CCDC92B: variants seen among roughly 807,000 people sequenced by gnomAD.
CCDC92B encodes coiled-coil domain containing 92B, also known as coiled-coil domain-containing 92B.
In CCDC92B, 2 loss-of-function variants were observed where a neutral mutation model predicts 5.6. The ratio of observed to expected loss-of-function variants is 0.36; its 90% CI spans 0.15 to 1.12. The LOEUF is 1.12. Among genes scored for constraint, CCDC92B ranks in the 50% most tolerant of loss-of-function variants. The pLI is 0.40. For synonymous variants in CCDC92B, 115 were observed against 122.3 expected (o/e 0.94, Z 0.39); for missense variants, 271 against 262.2 (o/e 1.03, Z -0.23).
chr17:2,736,880 C>CAAAA (rs968572416), intron 1 of CCDC92B, among the ~76,000 whole-genome samples: 8 of 98,804 alleles, frequency 8.1e-5, no homozygotes, highest in African/African-American at 4.0e-4. Context: ...GACTCTGTCT[C>CAAAA]AAAAAATAAA....
At chr17:2,745,575 G>A (rs1393807452) in intron 1 of CCDC92B, among the ~76,000 whole-genome samples, 1 of 152,162 alleles carries the variant, frequency 6.6e-6, no homozygotes, top group East Asian at 1.9e-4. Context: ...TTGTTTGGGG[G>A]AGGGTGGGAG....
rs2070660063 is a variant in CCDC92B at position 2,721,762 on chromosome 17, G to C, written c.*2649C>G. On this transcript the variant is annotated 3_prime_UTR_variant, in exon 4 of 4. Transcript: ENST00000614400. ...TCCAGCACCTCAGCTGAGAGTCAGTGAGTCAGCTGCCCCAGCACCCAGAAC... is the reference window on the plus strand; with the variant it reads ...TCCAGCACCTCAGCTGAGAGTCAGTCAGTCAGCTGCCCCAGCACCCAGAAC... 6.6e-6 allele frequency: 1 copy of C among 152,292 alleles called. No homozygotes were observed. The highest frequency in any genetic ancestry group is 1.5e-5 in the Non-Finnish European group (1 of 68,098). 9.4% of individuals were successfully genotyped at this position (152,292 alleles called of 1,614,324 possible).
At chr17:2,725,110 T>C (rs1023233236) in intron 3 of CCDC92B, 110 bp from the exon 4 acceptor site, 1 of 985,554 alleles carries the variant, frequency 1.0e-6, no homozygotes, top group Admixed American at 6.2e-5. Flanking sequence ...CGGGGCCTCA[T>C]TTCTGCAATC....
At chr17:2,748,153 C>T in intron 1 of CCDC92B, 1 of 534,768 alleles carries the variant, frequency 1.9e-6, no homozygotes, top group Non-Finnish European at 3.8e-6. Context: ...GGCTGATCTT[C>T]TTCTCTTTTG....
At chr17:2,733,035 T>A (rs201262447) in intron 2 of CCDC92B, among the ~76,000 whole-genome samples, 21 of 52,208 alleles carry the variant, frequency 4.0e-4, no homozygotes, top group African/African-American at 8.3e-4. Flanking sequence ...TAAATAAAAA[T>A]AAATAAATAA....
intron 3 of CCDC92B, among the ~76,000 whole-genome samples, chr17:2,725,767 G>C (rs897397046): frequency 6.6e-6 from 1 of 151,844 alleles, no homozygotes; most frequent in African/African-American, 2.4e-5. Context: ...ACTGTAACTG[G>C]AGAATGTGAC....
At chr17:2,733,222 G>C (rs545777972) in intron 2 of CCDC92B, among the ~76,000 whole-genome samples, 96 of 151,146 alleles carry the variant, frequency 6.4e-4, no homozygotes, top group African/African-American at 2.2e-3. Flanking sequence ...AGAAAGAAAT[G>C]ACAGGAGCTG....
chr17:2,726,344 A>C (rs1017919006), intron 3 of CCDC92B, among the ~76,000 whole-genome samples: 7 of 144,160 alleles, frequency 4.9e-5, no homozygotes, highest in African/African-American at 1.8e-4. Context: ...TGCCTGGCTT[A>C]TTTTTTTTTT....
chr17:2,730,273 A>G (rs1178937572), intron 3 of CCDC92B, among the ~76,000 whole-genome samples, 173 bp downstream of exon 3: 2 of 152,056 alleles, frequency 1.3e-5, no homozygotes, highest in East Asian at 1.9e-4. Flanking sequence ...GCATTTCACA[A>G]TGTCGTCCAC....
rs56409331 is a variant in CCDC92B at position 2,729,173 on chromosome 17, T to C, written c.178+1273A>G. ...AGGCGTGAGCCACCACACCTGGCCTTGTGATTCATTTTTAATTAAATAGTT... is the reference window on the plus strand; with the variant it reads ...AGGCGTGAGCCACCACACCTGGCCTCGTGATTCATTTTTAATTAAATAGTT... On this transcript the variant is annotated intron_variant, in intron 3 of 3. Transcript: ENST00000614400. Among the ~76,000 whole-genome samples the C allele has an allele frequency of 7.7e-3, 1,167 of 152,232 alleles. 13 individuals carry two copies. The highest frequency in any genetic ancestry group is 0.014 in the Middle Eastern group (4 of 294).
At chr17:2,743,867 T>C (rs1287679469) in intron 1 of CCDC92B, among the ~76,000 whole-genome samples, 1 of 152,182 alleles carries the variant, frequency 6.6e-6, no homozygotes, top group Non-Finnish European at 1.5e-5. Context: ...ATTAACTTTT[T>C]ATTTTTATGT....
At chr17:2,727,726 AAGT>A in intron 3 of CCDC92B, among the ~76,000 whole-genome samples, 1 of 152,134 alleles carries the variant, frequency 6.6e-6, no homozygotes, top group Non-Finnish European at 1.5e-5. Context: ...TGGGAGGCTG[AAGT>A]AGGAGAATTG....
Position 2,724,901 on chromosome 17 carries a change from T to C in CCDC92B, c.278A>G (p.Gln93Arg). ...ANAELRREVA[Q>R]REALVSALRC... ...CAGCGCGGACACCAGCGCCTCGCGCTGCGCCACCTCCCGCCGCAGCTCCGC... is the reference window on the plus strand; with the variant it reads ...CAGCGCGGACACCAGCGCCTCGCGCCGCGCCACCTCCCGCCGCAGCTCCGC... Residue 93 changes from glutamine to arginine, a missense_variant, in exon 4 of 4, where the codon CAG becomes CGG. By Grantham distance (43) the Gln-to-Arg change is conservative. Coordinates refer to ENST00000614400, the MANE Select transcript of CCDC92B (RefSeq NM_001355573.2). This position sits in a 1 kb window ranked among gnomAD's most constrained non-coding sequence, Gnocchi z 5.0. 2 of 985,118 alleles carry C rather than the reference T, an allele frequency of 2.0e-6. No individual in the cohort carries two copies. Among genetic ancestry groups the C allele is most frequent in the Non-Finnish European group, 2.4e-6 (2 of 829,804 alleles). 61.0% of individuals were successfully genotyped at this position (985,118 alleles called of 1,614,324 possible).
chr17:2,745,104 C>T (rs1330112541), intron 1 of CCDC92B, among the ~76,000 whole-genome samples: 1 of 133,156 alleles, frequency 7.5e-6, no homozygotes, highest in Non-Finnish European at 1.7e-5. Flanking sequence ...AAAATAAAAA[C>T]ATAATAATAC....
At chr17:2,735,253 C>G (rs944522249) in intron 1 of CCDC92B, 85 bp from the exon 2 acceptor site, 2 of 915,358 alleles carry the variant, frequency 2.2e-6, no homozygotes, top group African/African-American at 1.8e-5. Context: ...CTCCTCCGCT[C>G]TAGGTCCTGT....
intron 1 of CCDC92B, among the ~76,000 whole-genome samples, chr17:2,746,067 C>T (rs1246697237): frequency 6.6e-6 from 1 of 152,000 alleles, no homozygotes; most frequent in African/African-American, 2.4e-5. Flanking sequence ...CTGCAACCTT[C>T]GCCTCCCCGA....
intron 3 of CCDC92B, among the ~76,000 whole-genome samples, chr17:2,726,754 C>T (rs989773149): frequency 1.3e-5 from 2 of 151,790 alleles, no homozygotes; most frequent in Non-Finnish European, 2.9e-5. Context: ...GCTGGGATTA[C>T]AGGCACCCGC....
intron 1 of CCDC92B, chr17:2,748,463 C>T (rs2071013878): frequency 1.1e-6 from 1 of 950,168 alleles, no homozygotes; most frequent in African/African-American, 1.8e-5. Context: ...CGCATGCCTG[C>T]ACGCACCTGG....
At chr17:2,739,302 G>T (rs2070897583) in intron 1 of CCDC92B, among the ~76,000 whole-genome samples, 2 of 149,146 alleles carry the variant, frequency 1.3e-5, no homozygotes, top group South Asian at 4.3e-4. Flanking sequence ...GGGAGTCAGA[G>T]GTTGCAGTGA....
Sources: allele counts gnomAD v4.1 joint callset (sites outside exome capture counted in the v4.1 genomes callset), GRCh38; gene constraint gnomAD v4.1.1; non-coding constraint Gnocchi (gnomAD v3.1); transcripts MANE v1.5; gene names NCBI Gene and HGNC (gene_info 2026-07-23, HGNC 2026-07-21).